The following TTC12 variants were observed in gnomAD, a reference collection of about 807,000 sequenced individuals.
TTC12 encodes the protein tetratricopeptide repeat protein 12.
A neutral mutation model predicts 90.1 loss-of-function variants in TTC12; 70 were observed. The ratio of observed to expected loss-of-function variants is 0.78; its 90% confidence interval spans 0.64 to 0.95. TTC12 has a LOEUF of 0.95. TTC12 is among the 40% of genes least tolerant of loss of function. The pLI, the probability that TTC12 is intolerant of heterozygous loss-of-function variation, is 0.00. For synonymous variants in TTC12, 296 were observed against 311.5 expected (o/e 0.95, Z 0.53); for missense variants, 819 against 846.1 (o/e 0.97, Z 0.40).
intron 21 of TTC12, chr11:113,373,031 C>A (rs1434774504): frequency 2.1e-5 from 4 of 186,652 alleles, no homozygotes; most frequent in Non-Finnish European, 3.0e-5. Context: ...AAAGCCCCAA[C>A]ATAATAAAAA....
intron 16 of TTC12, among the ~76,000 whole-genome samples, 195 bp from the exon 17 acceptor site, chr11:113,359,168 C>T (rs992504245): frequency 2.0e-5 from 3 of 151,918 alleles, no homozygotes; most frequent in Non-Finnish European, 4.4e-5. Flanking sequence ...GCAGAGGCAC[C>T]AGAGACTCCT....
intron 8 of TTC12, among the ~76,000 whole-genome samples, chr11:113,338,374 A>G (rs1486941770): frequency 6.6e-6 from 1 of 152,182 alleles, no homozygotes; most frequent in African/African-American, 2.4e-5. Context: ...GTCTCTGTCA[A>G]CATTGCCTCT....
At chr11:113,344,548 A>T in intron 13 of TTC12, 108 bp downstream of exon 13, 1 of 1,191,662 alleles carries the variant, frequency 8.4e-7, no homozygotes, top group Non-Finnish European at 1.2e-6. Flanking sequence ...TGAAGGATCA[A>T]TAACAGAAAG....
chr11:113,364,978 C>G lies in TTC12; in HGVS notation c.1960C>G (p.Leu654Val), dbSNP rs763947786. ...KTDLLQVLLKLAGSDTQKTAV... is the reference protein window; with the variant it reads ...KTDLLQVLLKVAGSDTQKTAV... ...GGACCTTTTGCAGGTCTTGTTAAAG[C>G]TTGCAGGCAGTGACACACAGAAGAC... The change falls in exon 21 of 22, where the codon CTT (leucine) becomes GTT (valine). Residue 654 changes from leucine to valine, a missense_variant. Transcript: ENST00000529221. The G allele has an allele frequency of 2.5e-6, 4 of 1,614,184 alleles. No homozygotes were observed. The South Asian group carries it at 4.4e-5, about 18-fold the overall frequency.
At chr11:113,363,110 G>T (rs1437187337) in intron 19 of TTC12, among the ~76,000 whole-genome samples, 1 of 152,192 alleles carries the variant, frequency 6.6e-6, no homozygotes, top group African/African-American at 2.4e-5. Flanking sequence ...ATGTTAGTGT[G>T]GTGACACATG....
At chr11:113,361,217 G>A (rs1949904016) in intron 18 of TTC12, among the ~76,000 whole-genome samples, 1 of 152,176 alleles carries the variant, frequency 6.6e-6, no homozygotes, top group Non-Finnish European at 1.5e-5. Flanking sequence ...GCAGATTAGG[G>A]AAACAAGATT....
At position 113,365,047 on chromosome 11, in the gene TTC12, A is replaced by G; in HGVS notation, c.2029A>G (p.Thr677Ala). Reference protein sequence around the residue: ...NAGIALGKLCTAEPRFAAQLR... With the variant: ...NAGIALGKLCAAEPRFAAQLR... ...AGGCATTGCTCTGGGGAAGCTGTGCACAGCTGAGCCCAGGTATGCTGTGGA... is the reference window on the plus strand; with the variant it reads ...AGGCATTGCTCTGGGGAAGCTGTGCGCAGCTGAGCCCAGGTATGCTGTGGA... The change falls in exon 21 of 22, where the codon ACA becomes GCA. Residue 677 changes from threonine (T) to alanine (A), a missense_variant. Transcript: ENST00000529221. 4 of 1,613,936 alleles carry G rather than the reference A, an allele frequency of 2.5e-6. No individual in the cohort carries two copies. Among genetic ancestry groups the G allele is most frequent in the Non-Finnish European group, 3.4e-6 (4 of 1,179,900 alleles).
chr11:113,336,078 A>G (rs1459940442), intron 8 of TTC12, among the ~76,000 whole-genome samples: 3 of 152,090 alleles, frequency 2.0e-5, no homozygotes, highest in African/African-American at 7.2e-5. Flanking sequence ...ATCCTCTTCA[A>G]TACTTGTTAC....
At chr11:113,339,262 TG>T in intron 9 of TTC12, 23 bp from the exon 10 acceptor site, 1 of 1,580,408 alleles carries the variant, frequency 6.3e-7, no homozygotes, top group Non-Finnish European at 8.6e-7. Flanking sequence ...GGTTTTGTTT[TG>T]CTTTCCTTTC....
intron 21 of TTC12, among the ~76,000 whole-genome samples, chr11:113,372,162 G>A (rs1950403310): frequency 6.6e-6 from 1 of 152,226 alleles, no homozygotes; most frequent in Admixed American, 6.5e-5. Flanking sequence ...GGAACACAGG[G>A]CAGGCACAGG....
intron 6 of TTC12, chr11:113,329,577 C>A (rs1947902293): frequency 4.2e-6 from 2 of 473,750 alleles, no homozygotes; most frequent in Non-Finnish European, 8.4e-6. Context: ...TCAGGCAGTT[C>A]TTTTCGCAGA....
chr11:113,363,113 G>A (rs1373075896), intron 19 of TTC12, among the ~76,000 whole-genome samples: 1 of 152,236 alleles, frequency 6.6e-6, no homozygotes, highest in East Asian at 1.9e-4. Flanking sequence ...TTAGTGTGGT[G>A]ACACATGGCT....
At chr11:113,347,407 T>A (rs1441025927) in intron 13 of TTC12, among the ~76,000 whole-genome samples, 3 of 152,174 alleles carry the variant, frequency 2.0e-5, no homozygotes, top group Non-Finnish European at 4.4e-5. Flanking sequence ...TCATTATTTT[T>A]AATCTCCATT....
At chr11:113,362,859 A>T (rs1555155826) in intron 19 of TTC12, among the ~76,000 whole-genome samples, 3 of 152,164 alleles carry the variant, frequency 2.0e-5, no homozygotes, top group Non-Finnish European at 4.4e-5. Context: ...GCTACTCATG[A>T]TGCTTTATAC....
chr11:113,327,649 A>G (rs1158164490), intron 6 of TTC12, among the ~76,000 whole-genome samples: 3 of 152,198 alleles, frequency 2.0e-5, no homozygotes, highest in Non-Finnish European at 4.4e-5. Context: ...AAGAAAAAAA[A>G]AAGTAAAAGG....
At chr11:113,343,893 A>T (rs1948808733) in intron 12 of TTC12, among the ~76,000 whole-genome samples, 1 of 152,156 alleles carries the variant, frequency 6.6e-6, no homozygotes, top group African/African-American at 2.4e-5. Context: ...AAACTGATTT[A>T]TTTCCCTTTG....
intron 6 of TTC12, chr11:113,329,714 G>T (rs782499511): frequency 3.1e-6 from 2 of 635,578 alleles, no homozygotes; most frequent in Non-Finnish European, 5.9e-6. Context: ...CCTAAGCCCT[G>T]CCTTCACCGT....
chr11:113,321,799 C>G (rs117557632), intron 2 of TTC12, among the ~76,000 whole-genome samples: 2,102 of 152,282 alleles, frequency 0.014, 19 homozygotes, highest in Admixed American at 0.022. Flanking sequence ...GACACACTTA[C>G]CCGGGTTGCT....
intron 16 of TTC12, among the ~76,000 whole-genome samples, chr11:113,357,544 C>G (rs1331163007): frequency 1.3e-5 from 2 of 152,120 alleles, no homozygotes; most frequent in Admixed American, 6.5e-5. Context: ...TGGATTCTTT[C>G]TTATCTTTGT....
Sources: allele counts gnomAD v4.1 joint callset (sites outside exome capture counted in the v4.1 genomes callset), GRCh38; gene constraint gnomAD v4.1.1; transcripts MANE v1.5; gene names NCBI Gene and HGNC (gene_info 2026-07-23, HGNC 2026-07-21).